HS6ST3: variants seen among roughly 807,000 people sequenced by gnomAD.
The protein encoded by HS6ST3 is heparan sulfate 6-O-sulfotransferase 3.
Under a neutral mutation model 36.7 loss-of-function variants are expected in HS6ST3, and 12 were observed. That is an observed-to-expected ratio of 0.33 (90% CI 0.21 to 0.53). The LOEUF (loss-of-function observed/expected upper bound fraction) is 0.53, where lower values mean the gene tolerates loss of function less well. Ranked by LOEUF, HS6ST3 falls within the 20% of genes least tolerant of loss-of-function variation. HS6ST3 has a pLI of 0.95. For missense variants in HS6ST3, 584 were observed against 640.9 expected, an observed-to-expected ratio of 0.91 and a Z score of 0.96; for synonymous variants, 240 against 257.5, an observed-to-expected ratio of 0.93 and a Z score of 0.65.
At chr13:96,416,311 G>GA (rs1220163265) in intron 1 of HS6ST3, among the ~76,000 whole-genome samples, 4 of 151,974 alleles carry the variant, frequency 2.6e-5, no homozygotes, top group East Asian at 3.9e-4. Context: ...GCAGTCAATT[G>GA]AAAAAAATAT....
At position 96,091,259 on chromosome 13, in the gene HS6ST3, G is replaced by T; in HGVS notation, c.397G>T (p.Asp133Tyr). 6.2e-7 allele frequency: 1 copy of T among 1,609,512 alleles called. No individual in the cohort carries two copies. Among genetic ancestry groups the T allele is most frequent in the Non-Finnish European group, 8.5e-7 (1 of 1,177,940 alleles). Residue 133 changes from aspartate (D) to tyrosine (Y), a missense_variant, in exon 1 of 2, where the codon GAC (aspartate) becomes TAC (tyrosine). By Grantham distance (160) the Asp-to-Tyr change is radical. This residue lies in a region of HS6ST3 where 217 missense variants were observed against 205.4 expected (regional missense o/e 1.06). Transcript: ENST00000376705. ...FVPRFNFSLK[D>Y]LTRFVDFNIK... ...GCCGCGCTTCAACTTCAGCCTGAAG[G>T]ACCTGACCCGCTTCGTGGATTTCAA...
At chr13:96,115,472 C>T (rs2053889784) in intron 1 of HS6ST3, among the ~76,000 whole-genome samples, 1 of 152,138 alleles carries the variant, frequency 6.6e-6, no homozygotes, top group African/African-American at 2.4e-5. Flanking sequence ...TTGTTCAACT[C>T]CCACTTATGA....
chr13:96,209,107 G>A lies in HS6ST3; in HGVS notation c.707+117538G>A, dbSNP rs908022718. ...TCAATTGTAAATAAGTTTTGAATGCGGATTTGACTAGTAGGAGATACAGAG... is the reference window on the plus strand; with the variant it reads ...TCAATTGTAAATAAGTTTTGAATGCAGATTTGACTAGTAGGAGATACAGAG... On this transcript the variant is annotated intron_variant, in intron 1 of 1. Transcript: ENST00000376705. Among the ~76,000 whole-genome samples the A allele has an allele frequency of 9.9e-5, 15 of 152,282 alleles. 2 individuals are homozygous for A. Among genetic ancestry groups the A allele is most frequent in the African/African-American group, 3.6e-4 (15 of 41,550 alleles).
chr13:96,547,329 C>G (rs966325703), intron 1 of HS6ST3, among the ~76,000 whole-genome samples: 10 of 152,164 alleles, frequency 6.6e-5, no homozygotes, highest in African/African-American at 2.4e-4. Context: ...GGCAATCCAT[C>G]AACAATTCTA....
At chr13:96,756,344 G>A (rs373928228) in intron 1 of HS6ST3, among the ~76,000 whole-genome samples, 2 of 152,164 alleles carry the variant, frequency 1.3e-5, no homozygotes, top group East Asian at 3.9e-4. Flanking sequence ...TCATTTTGGT[G>A]AGCAGAAAAT....
rs1023335793 is a variant in HS6ST3 at position 96,778,435 on chromosome 13, G to A, written c.708-54055G>A. Among the ~76,000 whole-genome samples the A allele has an allele frequency of 2.0e-5, 3 of 151,876 alleles. No homozygotes were observed. In the South Asian group the frequency reaches 6.3e-4, roughly 32 times the overall value. ...TTTGCAATCTATCCACCTGACAAAGGGTTAATATCTGGAATCTACAATGAA... is the reference window on the plus strand; with the variant it reads ...TTTGCAATCTATCCACCTGACAAAGAGTTAATATCTGGAATCTACAATGAA... On this transcript the variant is annotated intron_variant, in intron 1 of 1. Transcript: ENST00000376705.
intron 1 of HS6ST3, among the ~76,000 whole-genome samples, chr13:96,448,436 G>A (rs748665841): frequency 3.3e-5 from 5 of 152,132 alleles, no homozygotes; most frequent in East Asian, 1.9e-4. Context: ...CAAATGCACC[G>A]CATGCTCATC....
intron 1 of HS6ST3, among the ~76,000 whole-genome samples, chr13:96,257,235 G>A (rs1160397408): frequency 1.3e-5 from 2 of 152,122 alleles, no homozygotes; most frequent in Admixed American, 6.6e-5. Context: ...ATCCTACTAC[G>A]CTGGCCTCAG....
intron 1 of HS6ST3, among the ~76,000 whole-genome samples, chr13:96,159,416 G>A (rs1163768398): frequency 1.3e-5 from 2 of 152,128 alleles, no homozygotes; most frequent in East Asian, 3.9e-4. Context: ...AACCATTGCA[G>A]GTTTGCAGAA....
At chr13:96,355,651 AT>A (rs1317456190) in intron 1 of HS6ST3, among the ~76,000 whole-genome samples, 1 of 152,168 alleles carries the variant, frequency 6.6e-6, no homozygotes, top group Non-Finnish European at 1.5e-5. Flanking sequence ...TGAGCCTTCC[AT>A]GAGTCATAAT....
rs554628197 is a variant in HS6ST3 at position 96,444,521 on chromosome 13, A to G, written c.707+352952A>G. Among the ~76,000 whole-genome samples the G allele has an allele frequency of 3.3e-5, 5 of 152,344 alleles. No individual in the cohort carries two copies. In the South Asian group the frequency reaches 1.0e-3, roughly 32 times the overall value. ...AAAATTTGAGTATAGCAAACAGCCT[A>G]ATAATTTAATCAGTCTTAATTTCTT... On this transcript the variant is annotated intron_variant, in intron 1 of 1. Transcript: ENST00000376705.
intron 1 of HS6ST3, among the ~76,000 whole-genome samples, chr13:96,103,627 C>T (rs1446215027): frequency 6.6e-6 from 1 of 152,086 alleles, no homozygotes; most frequent in African/African-American, 2.4e-5. Flanking sequence ...TTATACAGTA[C>T]TGTGCTATAC....
chr13:96,164,010 T>C (rs964088015), intron 1 of HS6ST3, among the ~76,000 whole-genome samples: 1 of 152,210 alleles, frequency 6.6e-6, no homozygotes, highest in Non-Finnish European at 1.5e-5. Context: ...TCTTCACTGA[T>C]GCCCCAGGAA....
intron 1 of HS6ST3, chr13:96,573,703 G>A (rs1054778971): frequency 3.4e-5 from 10 of 290,364 alleles, no homozygotes; most frequent in Non-Finnish European, 6.5e-5. Context: ...AAATTATCTG[G>A]AAGTGAAACA....
chr13:96,416,989 A>G (rs1269350037), intron 1 of HS6ST3, among the ~76,000 whole-genome samples: 2 of 151,950 alleles, frequency 1.3e-5, no homozygotes, highest in African/African-American at 4.8e-5. Flanking sequence ...AGACCTTGTG[A>G]TCCGCCCGCC....
At chr13:96,682,980 T>C (rs2056723425) in intron 1 of HS6ST3, among the ~76,000 whole-genome samples, 1 of 152,158 alleles carries the variant, frequency 6.6e-6, no homozygotes, top group African/African-American at 2.4e-5. Flanking sequence ...TCTTTTTCTA[T>C]GCAACAACTT....
intron 1 of HS6ST3, among the ~76,000 whole-genome samples, chr13:96,746,844 T>C (rs1457470071): frequency 1.3e-5 from 2 of 152,122 alleles, no homozygotes; most frequent in African/African-American, 4.8e-5. Flanking sequence ...CTGAAAAATC[T>C]AACCTCATTG....
chr13:96,129,717 A>C (rs950382799), intron 1 of HS6ST3, among the ~76,000 whole-genome samples: 23 of 152,196 alleles, frequency 1.5e-4, no homozygotes, highest in African/African-American at 5.5e-4. Context: ...TTATTTGAAG[A>C]CAGAGTCTTT....
In HS6ST3 at chr13:96,636,196, C is replaced by T. The variant is rs143210486; in HGVS notation, c.708-196294C>T. Among the ~76,000 whole-genome samples, 53 of 152,196 alleles carry T rather than the reference C, an allele frequency of 3.5e-4. 1 individual carries two copies. Among genetic ancestry groups the T allele is most frequent in the African/African-American group, 1.2e-3 (51 of 41,536 alleles). ...GTTTGCCAGGGACTTGCAAAATGTG[C>T]TTCTGACTGGCAAAACACAAAAAGC... On this transcript the variant is annotated intron_variant, in intron 1 of 1. Coordinates refer to ENST00000376705, the MANE Select transcript of HS6ST3 (RefSeq NM_153456.4).
Sources: allele counts gnomAD v4.1 joint callset (sites outside exome capture counted in the v4.1 genomes callset), GRCh38; gene constraint gnomAD v4.1.1; regional missense constraint gnomAD v4.1.1; transcripts MANE v1.5; gene names NCBI Gene and HGNC (gene_info 2026-07-23, HGNC 2026-07-21).